CTNNA3: variants seen among roughly 807,000 people sequenced by gnomAD.
The protein encoded by CTNNA3 is catenin alpha-3.
A neutral mutation model predicts 95.7 loss-of-function variants in CTNNA3; 76 were observed. The ratio of observed to expected loss-of-function variants is 0.79; its 90% CI spans 0.66 to 0.96. The LOEUF (loss-of-function observed/expected upper bound fraction) is 0.96, where lower values mean the gene tolerates loss of function less well. Ranked by LOEUF, CTNNA3 falls within the 40% of genes least tolerant of loss-of-function variation. The pLI is 0.00. For missense variants in CTNNA3, 1,191 were observed against 1,089.8 expected, an observed-to-expected ratio of 1.09 and a Z score of -1.31; for synonymous variants, 431 against 374.4, an observed-to-expected ratio of 1.15 and a Z score of -1.74.
At chr10:66,183,209 G>A (rs2086145771) in intron 13 of CTNNA3, among the ~76,000 whole-genome samples, 1 of 152,194 alleles carries the variant, frequency 6.6e-6, no homozygotes, top group Non-Finnish European at 1.5e-5. Flanking sequence ...GGCCAAATCT[G>A]GCTCTCTATC....
At chr10:66,758,002 A>T (rs1360159801) in intron 9 of CTNNA3, among the ~76,000 whole-genome samples, 1 of 152,056 alleles carries the variant, frequency 6.6e-6, no homozygotes, top group Non-Finnish European at 1.5e-5. Context: ...AGATTACTAA[A>T]TATTTTATTT....
At chr10:66,194,033 G>A (rs2086821595) in intron 13 of CTNNA3, among the ~76,000 whole-genome samples, 2 of 152,044 alleles carry the variant, frequency 1.3e-5, no homozygotes, top group African/African-American at 4.8e-5. Flanking sequence ...GCATATTCTG[G>A]AAACAGTATG....
intron 13 of CTNNA3, among the ~76,000 whole-genome samples, chr10:66,259,248 C>A (rs1358958591): frequency 6.6e-6 from 1 of 152,102 alleles, no homozygotes; most frequent in East Asian, 1.9e-4. Context: ...GATCCTCATT[C>A]CCTTCATGAC....
At chr10:66,183,749 G>A (rs1291816937) in intron 13 of CTNNA3, among the ~76,000 whole-genome samples, 1 of 152,012 alleles carries the variant, frequency 6.6e-6, no homozygotes, top group East Asian at 1.9e-4. Flanking sequence ...TTTCTTTTTG[G>A]TTAGTAGTAA....
chr10:66,715,111 T>C (rs1229154197), intron 9 of CTNNA3, among the ~76,000 whole-genome samples: 1 of 152,144 alleles, frequency 6.6e-6, no homozygotes. Flanking sequence ...AGCTCAAATG[T>C]CCCCTTTTTC....
At chr10:67,048,874 T>G (rs1854912706) in intron 7 of CTNNA3, among the ~76,000 whole-genome samples, 1 of 152,158 alleles carries the variant, frequency 6.6e-6, no homozygotes, top group Non-Finnish European at 1.5e-5. Context: ...TTCTCCTCCT[T>G]TTTATAAAAC....
At chr10:66,597,438 A>G (rs1415631400) in intron 10 of CTNNA3, among the ~76,000 whole-genome samples, 1 of 146,954 alleles carries the variant, frequency 6.8e-6, no homozygotes, top group Non-Finnish European at 1.5e-5. Flanking sequence ...GCACTTTGGT[A>G]GGCTGAGGCA....
intron 14 of CTNNA3, among the ~76,000 whole-genome samples, chr10:66,092,065 A>G (rs528104156): frequency 6.5e-4 from 99 of 151,916 alleles, no homozygotes; most frequent in Middle Eastern, 3.4e-3. Flanking sequence ...TAGTAAGCCC[A>G]TCTTCCCAGT....
chr10:66,656,703 A>T (rs560547355), intron 9 of CTNNA3, among the ~76,000 whole-genome samples: 1 of 152,198 alleles, frequency 6.6e-6, no homozygotes, highest in African/African-American at 2.4e-5. Flanking sequence ...CAATATTTGG[A>T]TATAACAGAT....
intron 7 of CTNNA3, among the ~76,000 whole-genome samples, chr10:66,948,719 A>T (rs752634312): frequency 6.6e-6 from 1 of 152,212 alleles, no homozygotes; most frequent in Non-Finnish European, 1.5e-5. Flanking sequence ...ATGAAATTGA[A>T]CATATTAAAT....
intron 10 of CTNNA3, among the ~76,000 whole-genome samples, chr10:66,533,994 T>C (rs1841560626): frequency 6.6e-6 from 1 of 152,122 alleles, no homozygotes; most frequent in South Asian, 2.1e-4. Flanking sequence ...ACTACTAAAG[T>C]GCATATTCAA....
chr10:66,065,219 T>A (rs1240025869), intron 15 of CTNNA3, among the ~76,000 whole-genome samples: 1 of 135,652 alleles, frequency 7.4e-6, no homozygotes. Context: ...AAACTTATGT[T>A]GGTTTAAATG....
At chr10:66,804,642 G>T (rs1211762885) in intron 7 of CTNNA3, among the ~76,000 whole-genome samples, 1 of 152,034 alleles carries the variant, frequency 6.6e-6, no homozygotes, top group Non-Finnish European at 1.5e-5. Context: ...GTACTGACTA[G>T]ATGAACGTTT....
intron 3 of CTNNA3, among the ~76,000 whole-genome samples, chr10:67,545,153 G>A (rs1350913127): frequency 6.6e-6 from 1 of 152,170 alleles, no homozygotes; most frequent in East Asian, 1.9e-4. Context: ...TATGTGCCAT[G>A]TTGGTAAAAT....
chr10:67,643,298 C>T (rs544118904), intron 2 of CTNNA3, among the ~76,000 whole-genome samples: 2 of 151,812 alleles, frequency 1.3e-5, no homozygotes, highest in East Asian at 3.9e-4. Context: ...ATGGGGGGAA[C>T]ACACTGGGGT....
intron 13 of CTNNA3, among the ~76,000 whole-genome samples, chr10:66,229,220 G>T (rs2085995): frequency 0.21 from 32,547 of 151,970 alleles, 3,669 homozygotes; most frequent in South Asian, 0.29. Context: ...TTTCTTCTCT[G>T]CCTCTTATTG....
chr10:67,726,031 G>C lies in CTNNA3; in HGVS notation c.-2+37403C>G, dbSNP rs180782897. On this transcript the variant is annotated intron_variant, in intron 1 of 17. Transcript: ENST00000684154. The stretch of plus-strand genomic sequence containing the variant: ...ATCTAAATCCACATATTTATAAATG[G>C]AATTCTATTATATACAATTATTAAT... Among the ~76,000 whole-genome samples the C allele has an allele frequency of 4.2e-3, 514 of 122,144 alleles. 4 individuals carry two copies. Among genetic ancestry groups the C allele is most frequent in the Admixed American group, 6.7e-3 (71 of 10,524 alleles). 80.1% of individuals were successfully genotyped at this position (122,144 alleles called of 152,430 possible).
chr10:67,626,568 G>T (rs988983149), intron 2 of CTNNA3, among the ~76,000 whole-genome samples: 4 of 152,092 alleles, frequency 2.6e-5, no homozygotes, highest in Non-Finnish European at 5.9e-5. Context: ...ATCTAGATGG[G>T]ACTTTGAGTG....
intron 17 of CTNNA3, among the ~76,000 whole-genome samples, chr10:65,962,632 G>A (rs370275674): frequency 2.0e-5 from 3 of 151,396 alleles, no homozygotes; most frequent in African/African-American, 4.9e-5. Context: ...AGATATACAC[G>A]TGCCCTGGTG....
Sources: gnomAD v4.1 joint callset for allele counts (sites outside exome capture counted in the v4.1 genomes callset) on GRCh38, gnomAD v4.1.1 for gene constraint, MANE v1.5 for transcripts, NCBI Gene and HGNC (gene_info 2026-07-23, HGNC 2026-07-21) for gene names.